The following SCML4 variants were observed in gnomAD, a reference collection of about 807,000 sequenced individuals.
SCML4 encodes sex comb on midleg-like protein 4.
Under a neutral mutation model 41.1 loss-of-function variants are expected in SCML4, and 34 were observed. The observed-to-expected ratio is 0.83, with a 90% CI of 0.63 to 1.10. SCML4 has a LOEUF of 1.10. Among genes scored for constraint, SCML4 ranks in the 50% least tolerant of loss-of-function variants. The pLI is 0.00. For missense variants in SCML4, 522 were observed against 534.1 expected, an observed-to-expected ratio of 0.98 and a Z score of 0.22; for synonymous variants, 214 against 220.9, an observed-to-expected ratio of 0.97 and a Z score of 0.28.
chr6:107,796,239 A>C (rs1782701305), intron 1 of SCML4, among the ~76,000 whole-genome samples: 1 of 152,142 alleles, frequency 6.6e-6, no homozygotes, highest in African/African-American at 2.4e-5. Context: ...TAACTTTATA[A>C]AGAACTGCCA....
intron 2 of SCML4, among the ~76,000 whole-genome samples, chr6:107,764,268 G>A (rs953613495): frequency 6.6e-6 from 1 of 152,208 alleles, no homozygotes; most frequent in Non-Finnish European, 1.5e-5. Flanking sequence ...GAGATGGAAG[G>A]GCTGGTACCT....
chr6:107,730,614 C>T (rs564034649), intron 5 of SCML4, among the ~76,000 whole-genome samples: 12 of 152,318 alleles, frequency 7.9e-5, no homozygotes, highest in Admixed American at 3.3e-4. Flanking sequence ...TGCACAGTCA[C>T]GAGAGCATGC....
At chr6:107,758,111 A>T (rs2114531239) in intron 2 of SCML4, among the ~76,000 whole-genome samples, 1 of 152,354 alleles carries the variant, frequency 6.6e-6, no homozygotes, top group Admixed American at 6.5e-5. Flanking sequence ...CTTCTTGAGC[A>T]CCTACTATGT....
chr6:107,717,141 TACAAAAA>T (rs1774900432), intron 6 of SCML4, among the ~76,000 whole-genome samples: 2 of 8,546 alleles, frequency 2.3e-4, no homozygotes, highest in Non-Finnish European at 3.7e-4. Context: ...CTACTAAAAA[TACAAAAA>T]AAAAAAAAAA....
rs142175048 is a variant in SCML4 at position 107,808,025 on chromosome 6, C to T, written c.-60+16101G>A. 3.6e-3 allele frequency among the ~76,000 whole-genome samples: 555 copies of T among 152,274 alleles called. 2 individuals carry two copies. Among genetic ancestry groups the T allele is most frequent in the African/African-American group, 0.013 (535 of 41,546 alleles). ...TCACGTTGTTCTAAATCACATTAGC[C>T]TAATTGCTTGATATTAGGAATTGAG... On this transcript the variant is annotated intron_variant, in intron 1 of 7. Coordinates refer to ENST00000369020, the MANE Select transcript of SCML4 (RefSeq NM_198081.5).
upstream of SCML4, among the ~76,000 whole-genome samples, chr6:107,827,431 T>G (rs950227598): frequency 4.0e-5 from 6 of 151,530 alleles, no homozygotes; most frequent in African/African-American, 1.4e-4. Flanking sequence ...GATTTCTTTC[T>G]TCATGCAACC....
the SCML4 span, among the ~76,000 whole-genome samples, chr6:107,833,809 C>T: frequency 6.6e-6 from 1 of 152,172 alleles, no homozygotes; most frequent in East Asian, 1.9e-4. Flanking sequence ...TGGCTCAGTG[C>T]AGGGATTCTG....
At position 107,749,824 on chromosome 6, in the gene SCML4, G is replaced by C. The variant is rs551886211; in HGVS notation, c.157-11C>G. On this transcript the variant is annotated splice_polypyrimidine_tract_variant and intron_variant, in intron 2 of 7. Transcript: ENST00000369020. ...AACCCGAGACTTGATCTGGAAGAGA[G>C]AGCCCATTTGGTCAATGAGAATCTG... The C allele has an allele frequency of 9.7e-5, 157 of 1,613,900 alleles. 3 individuals carry two copies. The South Asian group carries it at 1.5e-3, about 15-fold the overall frequency.
At chr6:107,805,274 C>G (rs1334275569) in intron 1 of SCML4, among the ~76,000 whole-genome samples, 4 of 152,142 alleles carry the variant, frequency 2.6e-5, no homozygotes, top group African/African-American at 9.7e-5. Context: ...TTGCTAACCC[C>G]TCTACTACAC....
chr6:107,715,795 C>T (rs1029768392), intron 6 of SCML4, among the ~76,000 whole-genome samples: 2 of 152,198 alleles, frequency 1.3e-5, no homozygotes, highest in African/African-American at 4.8e-5. Context: ...CACCCTTCTG[C>T]CTGCAGCCTC....
intron 1 of SCML4, among the ~76,000 whole-genome samples, chr6:107,802,561 T>C (rs920858643): frequency 1.6e-5 from 2 of 128,752 alleles, no homozygotes; most frequent in African/African-American, 3.0e-5. Flanking sequence ...CTTAAGAGCA[T>C]TGGCTCGAGG....
the SCML4 span, among the ~76,000 whole-genome samples, chr6:107,835,103 G>A: frequency 1.3e-5 from 2 of 152,226 alleles, no homozygotes; most frequent in Non-Finnish European, 1.5e-5. Flanking sequence ...CTCGCGGCCT[G>A]TAATCTCAGC....
At chr6:107,747,287 C>T (rs1202734396) in intron 3 of SCML4, among the ~76,000 whole-genome samples, 4 of 152,146 alleles carry the variant, frequency 2.6e-5, no homozygotes, top group Non-Finnish European at 5.9e-5. Flanking sequence ...CAGTTTTTGC[C>T]ATTTCTTTGT....
chr6:107,837,239 T>C, the SCML4 span, among the ~76,000 whole-genome samples: 1 of 152,210 alleles, frequency 6.6e-6, no homozygotes, highest in Admixed American at 6.5e-5. Context: ...ATGGAACCAT[T>C]AGGAACCATC....
chr6:107,810,779 C>T (rs1316185525), intron 1 of SCML4, among the ~76,000 whole-genome samples: 4 of 152,092 alleles, frequency 2.6e-5, no homozygotes, highest in African/African-American at 9.7e-5. Context: ...GAAGTCGTAA[C>T]TCCCAATGTG....
chr6:107,760,327 C>A (rs990864658), intron 2 of SCML4, among the ~76,000 whole-genome samples: 4 of 152,166 alleles, frequency 2.6e-5, no homozygotes, highest in African/African-American at 9.7e-5. Flanking sequence ...TAGGTGTAAT[C>A]TGGGCCATGG....
intron 2 of SCML4, among the ~76,000 whole-genome samples, chr6:107,764,143 C>T (rs1418870808): frequency 6.6e-6 from 1 of 152,202 alleles, no homozygotes; most frequent in African/African-American, 2.4e-5. Context: ...CAAATTGGTT[C>T]CAATAACAAG....
intron 5 of SCML4, among the ~76,000 whole-genome samples, chr6:107,727,174 T>A (rs1436177193): frequency 1.3e-5 from 2 of 152,248 alleles, no homozygotes. Flanking sequence ...TGTCAAATGA[T>A]TCTTTTTATA....
intron 1 of SCML4, among the ~76,000 whole-genome samples, chr6:107,805,944 T>C (rs975193096): frequency 2.0e-5 from 3 of 152,316 alleles, no homozygotes; most frequent in African/African-American, 7.2e-5. Flanking sequence ...GGGATTGTCA[T>C]GGAGGCCACG....
Sources: allele counts gnomAD v4.1 joint callset (sites outside exome capture counted in the v4.1 genomes callset), GRCh38; gene constraint gnomAD v4.1.1; transcripts MANE v1.5; gene names NCBI Gene and HGNC (gene_info 2026-07-23, HGNC 2026-07-21).